Variants in AK2 observed in about 807,000 individuals in gnomAD.
AK2 encodes the protein adenylate kinase 2.
In AK2, 15 loss-of-function variants were observed where a neutral mutation model predicts 24.6. That is an observed-to-expected ratio of 0.61 (90% CI 0.41 to 0.94). The LOEUF (loss-of-function observed/expected upper bound fraction) is 0.94, where lower values mean the gene tolerates loss of function less well. Ranked by LOEUF, AK2 falls within the 40% of genes least tolerant of loss-of-function variation. The probability of loss-of-function intolerance (pLI) is 0.00; values close to 1 mark genes in which losing one functional copy is unlikely to be tolerated. For missense variants in AK2, 257 were observed against 304.1 expected (o/e 0.85, Z 1.15); for synonymous variants, 102 against 114.0 (o/e 0.90, Z 0.67).
At chr1:33,020,844 C>CA (rs769914721) in intron 4 of AK2, among the ~76,000 whole-genome samples, 7,470 of 110,290 alleles carry the variant, frequency 0.068, 391 homozygotes, top group African/African-American at 0.17. Flanking sequence ...GACTCTGTCT[C>CA]AAAAAAAAAA....
rs764503773 is a variant in AK2, at chr1:33,009,463, C to A, written c.*3718G>T. The A allele has an allele frequency of 2.2e-6, 1 of 454,126 alleles. No homozygotes were observed. Among genetic ancestry groups the A allele is most frequent in the Admixed American group, 2.3e-5 (1 of 42,580 alleles). The allele number at this position is 454,126 out of a possible 1,614,324, so 28.1% of individuals were successfully genotyped here. The stretch of plus-strand genomic sequence containing the variant: ...AAGTGTCCATTCAACAGTTATCCAG[C>A]CTGGCAGGAAGCAGATATCTTTCTG... On this transcript the variant is annotated 3_prime_UTR_variant, in exon 6 of 6. Transcript: ENST00000672715.
Position 33,010,703 on chromosome 1 carries a change from A to G in AK2, c.*2478T>C. ...TGCTGTTGTTCCAAGTATTCCTCTG[A>G]GCCCCTCACCAGCCCTCCCTCACCA... On this transcript the variant is annotated 3_prime_UTR_variant, in exon 6 of 6. Coordinates refer to ENST00000672715, the MANE Select transcript of AK2 (RefSeq NM_001625.4). 6.2e-7 allele frequency: 1 copy of G among 1,608,920 alleles called. No individual in the cohort carries two copies. Among genetic ancestry groups the G allele is most frequent in the Non-Finnish European group, 8.5e-7 (1 of 1,177,010 alleles).
chr1:33,032,677 G>C (rs1640314152), intron 1 of AK2, among the ~76,000 whole-genome samples: 1 of 152,096 alleles, frequency 6.6e-6, no homozygotes, highest in Admixed American at 6.5e-5. Flanking sequence ...GCCTCCTCAG[G>C]GAGAGCACAG....
Position 33,024,472 on chromosome 1 carries a change from C to CT in AK2, c.188dup (p.Leu64AlafsTer13). 1.2e-6 allele frequency: 2 copies of CT among 1,614,076 alleles called. No homozygotes were observed. The highest frequency in any genetic ancestry group is 1.7e-6 in the Non-Finnish European group (2 of 1,180,042). On this transcript the variant is annotated frameshift_variant, in exon 2 of 6. Transcript: ENST00000672715. LOFTEE classifies it high-confidence loss of function. ...TCCCAGCATCCATAGTTGCCTTCAG[C>CT]TTTTTTCCTAGCTCTGAGCCAGAAG...
At chr1:33,016,142 A>G (rs1227334849) in intron 4 of AK2, among the ~76,000 whole-genome samples, 1 of 152,154 alleles carries the variant, frequency 6.6e-6, no homozygotes, top group Non-Finnish European at 1.5e-5. Flanking sequence ...AAATCCATAG[A>G]TGCTCAAGTC....
intron 2 of AK2, among the ~76,000 whole-genome samples, chr1:33,021,980 T>C (rs1406532043): frequency 6.6e-6 from 1 of 152,114 alleles, no homozygotes; most frequent in Non-Finnish European, 1.5e-5. Flanking sequence ...CAGATTCCAT[T>C]ACTTGTTACT....
At chr1:33,031,077 AAATCATT>A (rs1640206995) in intron 1 of AK2, 1 of 152,162 alleles carries the variant, frequency 6.6e-6, no homozygotes, top group African/African-American at 2.4e-5. Flanking sequence ...CTTACTGAGG[AAATCATT>A]ACCAACCTCA....
In AK2 at chr1:33,012,167, T is replaced by G; in HGVS notation, c.*1014A>C. ...TCTGAATTCAAAAGGACCTTTCACC[T>G]GGTTTAATTCTCTGGCAACAATTCA... On this transcript the variant is annotated 3_prime_UTR_variant, in exon 6 of 6. Coordinates refer to ENST00000672715, the MANE Select transcript of AK2 (RefSeq NM_001625.4). 6.5e-7 allele frequency: 1 copy of G among 1,535,496 alleles called. No individual in the cohort carries two copies. Among genetic ancestry groups the G allele is most frequent in the Non-Finnish European group, 8.7e-7 (1 of 1,146,738 alleles).
rs578221141 is a variant in AK2, at chr1:33,024,426, G to A, written c.219+16C>T. 7.4e-6 allele frequency: 12 copies of A among 1,613,382 alleles called. No individual in the cohort carries two copies. Among genetic ancestry groups the A allele is most frequent in the South Asian group, 6.6e-5 (6 of 91,046 alleles). On this transcript the variant is annotated intron_variant, in intron 2 of 5. Transcript: ENST00000672715. The stretch of plus-strand genomic sequence containing the variant: ...TTCTGAGGAATATCAACACTCATTG[G>A]TACCACCAAACCTACCAGTTTCCCA...
At chr1:33,026,147 G>A (rs1427556646) in intron 1 of AK2, among the ~76,000 whole-genome samples, 1 of 152,180 alleles carries the variant, frequency 6.6e-6, no homozygotes, top group Non-Finnish European at 1.5e-5. Context: ...AAACTAAGCA[G>A]GTTTAGATCC....
At position 33,013,065 on chromosome 1, in the gene AK2, T is replaced by A. The variant is rs753769060; in HGVS notation, c.*116A>T. ...AAGATACATCAAGCAAGTGCTTTTT[T>A]AATCAATACATCAAATGATATTTTT... On this transcript the variant is annotated 3_prime_UTR_variant, in exon 6 of 6. Coordinates refer to ENST00000672715, the MANE Select transcript of AK2 (RefSeq NM_001625.4). 95 of 1,605,470 alleles carry A rather than the reference T, an allele frequency of 5.9e-5. No individual in the cohort carries two copies. Among genetic ancestry groups the A allele is most frequent in the South Asian group, 8.9e-5 (8 of 90,254 alleles).
chr1:33,031,798 G>A, intron 1 of AK2: 1 of 407,154 alleles, frequency 2.5e-6, no homozygotes, highest in South Asian at 1.7e-5. Flanking sequence ...TTGACACATG[G>A]AAGAAATGAG....
chr1:33,023,908 C>T (rs540611002), intron 2 of AK2, among the ~76,000 whole-genome samples: 2 of 152,294 alleles, frequency 1.3e-5, no homozygotes, highest in East Asian at 1.9e-4. Context: ...CGGTGGCTCA[C>T]GCCTGTAATC....
At chr1:33,023,434 A>G (rs2124338871) in intron 2 of AK2, among the ~76,000 whole-genome samples, 1 of 151,828 alleles carries the variant, frequency 6.6e-6, no homozygotes, top group South Asian at 2.1e-4. Flanking sequence ...CAACAACAAC[A>G]AAAGTAGCAG....
At position 33,008,104 on chromosome 1, in the gene AK2, GGTCA is replaced by G. The variant is rs1557601282; in HGVS notation, c.*5073_*5076del. The G allele has an allele frequency of 1.8e-5, 8 of 453,996 alleles. No homozygotes were observed. Among genetic ancestry groups the G allele is most frequent in the South Asian group, 1.2e-4 (8 of 64,478 alleles). The allele number at this position is 453,996 out of a possible 1,614,324, so 28.1% of individuals were successfully genotyped here. On this transcript the variant is annotated 3_prime_UTR_variant, in exon 6 of 6. Transcript: ENST00000672715. ...GGGGATCCTTAGCCTGGTTCCGGAT[GGTCA>G]GTAAGACAACTTTCTTCAATGCCTA...
intron 1 of AK2, among the ~76,000 whole-genome samples, chr1:33,025,053 C>T (rs1031411056): frequency 2.0e-5 from 3 of 151,954 alleles, no homozygotes; most frequent in South Asian, 2.1e-4. Context: ...GGTGTGGTGG[C>T]GCTTGCCTGG....
At chr1:33,024,674 G>T (rs1299509152) in intron 1 of AK2, 107 bp from the exon 2 acceptor site, 1 of 1,385,600 alleles carries the variant, frequency 7.2e-7, no homozygotes, top group Non-Finnish European at 1.0e-6. Flanking sequence ...TGTAAACATG[G>T]GCAAATGCCT....
intron 1 of AK2, among the ~76,000 whole-genome samples, chr1:33,027,215 A>C (rs1440453965): frequency 4.6e-5 from 7 of 152,248 alleles, no homozygotes; most frequent in Non-Finnish European, 2.9e-5. Context: ...GTGGCCGTAC[A>C]TCTAGAGAGT....
rs768173996 is a variant in AK2 at position 33,014,572 on chromosome 1, G to C, written c.448C>G (p.Arg150Gly). The C allele has an allele frequency of 1.1e-5, 18 of 1,611,750 alleles. No homozygotes were observed. Among genetic ancestry groups the C allele is most frequent in the Admixed American group, 3.3e-5 (2 of 59,880 alleles). ...GGGTTGAACTCCTCGTGGTAGGAACGGCCACTCTTGGGGTGAATCAGCCTG... is the reference window on the plus strand; with the variant it reads ...GGGTTGAACTCCTCGTGGTAGGAACCGCCACTCTTGGGGTGAATCAGCCTG... Reference protein sequence around the residue: ...TGRLIHPKSGRSYHEEFNPPK... With the variant: ...TGRLIHPKSGGSYHEEFNPPK... Residue 150 changes from arginine (R) to glycine (G), a missense_variant, in exon 5 of 6, where the codon CGT becomes GGT. Physicochemically the swap from Arg to Gly is moderately radical, Grantham distance 125 (BLOSUM62 -2). Coordinates refer to ENST00000672715, the MANE Select transcript of AK2 (RefSeq NM_001625.4).
Sources: allele counts gnomAD v4.1 joint callset (sites outside exome capture counted in the v4.1 genomes callset), GRCh38; gene constraint gnomAD v4.1.1; transcripts MANE v1.5; gene names NCBI Gene and HGNC (gene_info 2026-07-23, HGNC 2026-07-21).